Variants in MED15 observed in about 807,000 individuals in gnomAD.
MED15 encodes the protein mediator complex subunit 15.
A neutral mutation model predicts 118.7 loss-of-function variants in MED15; 41 were observed. The ratio of observed to expected loss-of-function variants is 0.35; its 90% CI spans 0.27 to 0.45. MED15 has a LOEUF of 0.45. Ranked by LOEUF, MED15 falls within the 20% of genes least tolerant of loss-of-function variation. MED15 has a pLI of 1.00. For missense variants in MED15, 740 were observed against 1,025.5 expected (o/e 0.72, Z 3.80); for synonymous variants, 436 against 413.9 (o/e 1.05, Z -0.65).
chr22:20,533,577 G>A (rs1000650379), intron 1 of MED15, among the ~76,000 whole-genome samples: 2 of 152,116 alleles, frequency 1.3e-5, no homozygotes, highest in African/African-American at 2.4e-5. Flanking sequence ...CTGGAGGAGC[G>A]CCTTGCCGGA....
Position 20,541,749 on chromosome 22 carries a change from AAAC to A in MED15, c.156+4548_156+4550del, listed in dbSNP as rs1490982745. Among the ~76,000 whole-genome samples, 3 of 151,648 alleles carry A rather than the reference AAAC, an allele frequency of 2.0e-5. No homozygotes were observed. The South Asian group carries it at 6.2e-4, about 32-fold the overall frequency. On this transcript the variant is annotated intron_variant, in intron 2 of 17. Transcript: ENST00000263205. The stretch of plus-strand genomic sequence containing the variant: ...AACGCAACCTCCGCCTCCCAGGTTC[AAAC>A]AATTACCCTGCCTCAGCCTCCCAAG...
chr22:20,528,182 A>C (rs1461550075), intron 1 of MED15, among the ~76,000 whole-genome samples: 1 of 152,032 alleles, frequency 6.6e-6, no homozygotes, highest in East Asian at 1.9e-4. Context: ...GCTCACTCTG[A>C]GAGGGACCCT....
At chr22:20,563,143 A>G (rs150723683) in intron 5 of MED15, among the ~76,000 whole-genome samples, 165 of 152,340 alleles carry the variant, frequency 1.1e-3, no homozygotes, top group Non-Finnish European at 1.4e-3. Context: ...GTGAGAATGT[A>G]AAGTGGTTTT....
At chr22:20,556,015 G>A (rs1569215531) in intron 5 of MED15, among the ~76,000 whole-genome samples, 1 of 152,184 alleles carries the variant, frequency 6.6e-6, no homozygotes, top group Non-Finnish European at 1.5e-5. Context: ...GAGCCAACGC[G>A]CCTGCCCTTA....
At chr22:20,525,756 A>G (rs2054621471) in intron 1 of MED15, among the ~76,000 whole-genome samples, 1 of 151,166 alleles carries the variant, frequency 6.6e-6, no homozygotes, top group Admixed American at 6.6e-5. Context: ...GGGTGGTCTC[A>G]AACTCCCCAC....
At chr22:20,517,683 A>G (rs1050357954) in intron 1 of MED15, among the ~76,000 whole-genome samples, 1 of 151,964 alleles carries the variant, frequency 6.6e-6, no homozygotes, top group African/African-American at 2.4e-5. Context: ...TAGCAGGGGG[A>G]TTCCTAGATC....
chr22:20,585,473 C>CA, intron 16 of MED15: 1 of 747,242 alleles, frequency 1.3e-6, no homozygotes. Context: ...CGCACACTCT[C>CA]ACCTCCCCAA....
chr22:20,585,939 G>A, intron 17 of MED15, 113 bp downstream of exon 17: 1 of 969,160 alleles, frequency 1.0e-6, no homozygotes, highest in Non-Finnish European at 1.6e-6. Context: ...CCCCTCCCCA[G>A]CTCAGGCCCC....
At chr22:20,582,569 C>T (rs1011250964) in intron 9 of MED15, 42 bp from the exon 10 acceptor site, 12 of 1,535,428 alleles carry the variant, frequency 7.8e-6, no homozygotes, top group South Asian at 4.8e-5. Context: ...GGCAGGCGGG[C>T]GGGCGTGTGG....
chr22:20,546,320 G>A (rs2055534295), intron 2 of MED15, among the ~76,000 whole-genome samples: 2 of 152,048 alleles, frequency 1.3e-5, no homozygotes, highest in Non-Finnish European at 2.9e-5. Context: ...AAATATATCC[G>A]AAGTATTGCC....
chr22:20,567,329 A>G (rs1010456758), intron 7 of MED15, among the ~76,000 whole-genome samples: 2 of 152,168 alleles, frequency 1.3e-5, no homozygotes, highest in Non-Finnish European at 2.9e-5. Flanking sequence ...TTCATTTTGT[A>G]TCTCTGCACA....
At chr22:20,579,754 G>A (rs372674864) in intron 9 of MED15, among the ~76,000 whole-genome samples, 12 of 152,148 alleles carry the variant, frequency 7.9e-5, no homozygotes, top group African/African-American at 2.4e-4. Flanking sequence ...GATGTTTAGC[G>A]TGCCTGAGCT....
intron 6 of MED15, among the ~76,000 whole-genome samples, chr22:20,565,553 G>T (rs1157220769): frequency 6.6e-6 from 1 of 152,196 alleles, no homozygotes; most frequent in African/African-American, 2.4e-5. Context: ...AGCAGGTCTT[G>T]GTTGGGAGAG....
At chr22:20,524,217 C>CA (rs2054555232) in intron 1 of MED15, 1 of 152,200 alleles carries the variant, frequency 6.6e-6, no homozygotes, top group Admixed American at 6.5e-5. Context: ...GCTTTGGTTA[C>CA]ATTGATGACT....
rs1273527527 is a variant in MED15, at chr22:20,555,110, C to T, written c.413C>T (p.Pro138Leu). 1 of 1,610,052 alleles carries T rather than the reference C, an allele frequency of 6.2e-7. No homozygotes were observed. The highest frequency in any genetic ancestry group is 1.3e-5 in the African/African-American group (1 of 74,872). Residue 138 changes from proline (P) to leucine (L), a missense_variant, in exon 5 of 18, where the codon CCT (proline) becomes CTT (leucine). Pro to Leu is a moderately conservative substitution (Grantham distance 98, BLOSUM62 -3). Around this residue, in one of 7 missense-constraint regions of MED15, gnomAD observed 117 missense variants for 124.6 expected, o/e 0.94. Transcript: ENST00000263205. ...CCTCCTGGGACCTCGGGGATGGCCC[C>T]TCACAGCATGGCTGTCGTGTCTACG... ...QPPPGTSGMA[P>L]HSMAVVSTAT...
chr22:20,551,781 G>C (rs779026703), intron 3 of MED15: 107 of 446,590 alleles, frequency 2.4e-4, no homozygotes, highest in Non-Finnish European at 3.9e-4. Context: ...TCATAGGGCT[G>C]TTGTTTTTAC....
chr22:20,541,718 C>T (rs547540290), intron 2 of MED15, among the ~76,000 whole-genome samples: 28 of 150,864 alleles, frequency 1.9e-4, no homozygotes, highest in Non-Finnish European at 2.9e-4. Context: ...GGCGGGATCT[C>T]GGCTCAACGC....
At chr22:20,508,167 G>C in intron 1 of MED15, 1 of 1,217,270 alleles carries the variant, frequency 8.2e-7, no homozygotes, top group Non-Finnish European at 1.0e-6. Context: ...GTGATGGGAG[G>C]AGGGTGGATG....
intron 5 of MED15, among the ~76,000 whole-genome samples, chr22:20,558,478 C>A (rs1366588023): frequency 6.6e-6 from 1 of 152,182 alleles, no homozygotes; most frequent in Non-Finnish European, 1.5e-5. Context: ...GGAAGCAAAG[C>A]TTTTCACTCT....
Sources: allele counts gnomAD v4.1 joint callset (sites outside exome capture counted in the v4.1 genomes callset), GRCh38; gene constraint gnomAD v4.1.1; regional missense constraint gnomAD v4.1.1; transcripts MANE v1.5; gene names NCBI Gene and HGNC (gene_info 2026-07-23, HGNC 2026-07-21).